PPP1R15A: variants seen among roughly 807,000 people sequenced by gnomAD.
PPP1R15A encodes the protein growth arrest and DNA damage-inducible protein GADD34.
PPP1R15A carries 43 observed loss-of-function variants against 48.5 expected under a neutral mutation model. That is an observed-to-expected ratio of 0.89 (90% CI 0.69 to 1.14). The LOEUF is 1.14. Among genes scored for constraint, PPP1R15A ranks in the 50% most tolerant of loss-of-function variants. The probability of loss-of-function intolerance (pLI) is 0.00; values close to 1 mark genes in which losing one functional copy is unlikely to be tolerated. For missense variants in PPP1R15A, 868 were observed against 847.2 expected, an observed-to-expected ratio of 1.02 and a Z score of -0.30; for synonymous variants, 327 against 327.4, an observed-to-expected ratio of 1.00 and a Z score of 0.01.
Position 48,873,851 on chromosome 19 carries a change from C to T in PPP1R15A, c.618C>T (p.Thr206=). 6.2e-7 allele frequency: 1 copy of T among 1,614,096 alleles called. No individual in the cohort carries two copies. Among genetic ancestry groups the T allele is most frequent in the Non-Finnish European group, 8.5e-7 (1 of 1,179,998 alleles). ...CTGTAAAGAAAGAAGCTCACAGAAC[C>T]TCTACTTCTGCCTTGTCTCCAGGAT... ...EEAVKKEAHR[T]STSALSPGSK... The change falls in exon 2 of 3, where the codon ACC becomes ACT. Residue 206 remains threonine, a synonymous_variant. Transcript: ENST00000200453.
Position 48,875,529 on chromosome 19 carries a change from T to C in PPP1R15A, c.1666-85T>C, listed in dbSNP as rs1473577336. 10 of 1,455,732 alleles carry C rather than the reference T, an allele frequency of 6.9e-6. No homozygotes were observed. The Admixed American group carries it at 2.1e-4, about 30-fold the overall frequency. The allele number at this position is 1,455,732 out of a possible 1,614,324, so 90.2% of individuals were successfully genotyped here. A position where few individuals can be genotyped will look rare whatever the true frequency, so the allele number is the denominator to read the frequency against. The stretch of plus-strand genomic sequence containing the variant: ...TGTGTAATAACTAATTTTTGTTTGC[T>C]TCTCTCTCTCTCTTCCCCGCCCTCC... On this transcript the variant is annotated intron_variant, in intron 2 of 2. Coordinates refer to ENST00000200453, the MANE Select transcript of PPP1R15A (RefSeq NM_014330.5).
Position 48,873,773 on chromosome 19 carries a change from A to G in PPP1R15A, c.540A>G (p.Pro180=). The change falls in exon 2 of 3, where the codon CCA becomes CCG. Residue 180 remains proline, a synonymous_variant. Coordinates refer to ENST00000200453, the MANE Select transcript of PPP1R15A (RefSeq NM_014330.5). ...AGGGAGTTAACAAGTTCTCTTATCCACCATCACACCGGGAGTGTTGTCCAG... is the reference window on the plus strand; with the variant it reads ...AGGGAGTTAACAAGTTCTCTTATCCGCCATCACACCGGGAGTGTTGTCCAG... ...EEEGVNKFSY[P]PSHRECCPAV... 6.2e-7 allele frequency: 1 copy of G among 1,614,054 alleles called. No individual in the cohort carries two copies. Among genetic ancestry groups the G allele is most frequent in the African/African-American group, 1.3e-5 (1 of 74,992 alleles).
rs758385881 is a variant in PPP1R15A, at chr19:48,873,263, T to C, written c.30T>C (p.Ala10=). The C allele has an allele frequency of 6.0e-5, 93 of 1,553,228 alleles. No homozygotes were observed. The highest frequency in any genetic ancestry group is 7.5e-5 in the Non-Finnish European group (87 of 1,152,774). Residue 10 remains alanine (A), a synonymous_variant, in exon 2 of 3, where the codon GCT becomes GCC. Transcript: ENST00000200453. MAPGQAPHQ[A]TPWRDAHPFF... Reference sequence around the variant, plus strand: ...CCCCAGGCCAAGCACCCCATCAGGCTACCCCGTGGAGGGATGCCCACCCTT... The same window carrying C: ...CCCCAGGCCAAGCACCCCATCAGGCCACCCCGTGGAGGGATGCCCACCCTT...
In PPP1R15A at chr19:48,874,334, T is replaced by G; in HGVS notation, c.1101T>G (p.Asp367Glu). 1 of 1,610,090 alleles carries G rather than the reference T, an allele frequency of 6.2e-7. No homozygotes were observed. Among genetic ancestry groups the G allele is most frequent in the Non-Finnish European group, 8.5e-7 (1 of 1,179,104 alleles). Residue 367 changes from aspartate (D) to glutamate (E), a missense_variant, in exon 2 of 3, where the codon GAT (aspartate) becomes GAG (glutamate). Physicochemically the swap from Asp to Glu is conservative, Grantham distance 45. Coordinates refer to ENST00000200453, the MANE Select transcript of PPP1R15A (RefSeq NM_014330.5). ...ATGAGGACAGTGACTCTGGATCAGA[T>G]GAGGAAGAGGGAGAAGCTGAGGCTT... ...EEDEDSDSGS[D>E]EEEGEAEASS...
intron 1 of PPP1R15A, among the ~76,000 whole-genome samples, 153 bp from the exon 2 acceptor site, chr19:48,873,072 T>C (rs989896071): frequency 6.6e-6 from 1 of 152,158 alleles, no homozygotes; most frequent in Non-Finnish European, 1.5e-5. Context: ...GGGACAGAGA[T>C]GGGCGTGGCC....
chr19:48,874,922 T>TA (rs2037061912), intron 2 of PPP1R15A, 24 bp downstream of exon 2: 1 of 1,476,494 alleles, frequency 6.8e-7, no homozygotes, highest in Non-Finnish European at 8.9e-7. Flanking sequence ...GCCCAGATTC[T>TA]ATTTTTTTTT....
rs2037058047 is a variant in PPP1R15A, at chr19:48,874,683, T to G, written c.1450T>G (p.Tyr484Asp). 1 of 1,613,534 alleles carries G rather than the reference T, an allele frequency of 6.2e-7. No homozygotes were observed. The highest frequency in any genetic ancestry group is 1.1e-5 in the South Asian group (1 of 91,060). The change falls in exon 2 of 3, where the codon TAT becomes GAT. Residue 484 changes from tyrosine (Y) to aspartate (D), a missense_variant. Tyr to Asp is a radical substitution (Grantham distance 160). Transcript: ENST00000200453. ...DQRAHFRGWG[Y>D]RPGKETEEEE... ...GAGGGCCCACTTCAGGGGCTGGGGA[T>G]ATCGACCTGGAAAAGAGACAGAGGA...
Position 48,874,693 on chromosome 19 carries a change from G to C in PPP1R15A, c.1460G>C (p.Gly487Ala). 1 of 1,613,798 alleles carries C rather than the reference G, an allele frequency of 6.2e-7. No individual in the cohort carries two copies. The highest frequency in any genetic ancestry group is 2.2e-5 in the East Asian group (1 of 44,872). The change falls in exon 2 of 3, where the codon GGA becomes GCA. Residue 487 changes from glycine (G) to alanine (A), a missense_variant. Transcript: ENST00000200453. Reference protein sequence around the residue: ...AHFRGWGYRPGKETEEEEAAE... With the variant: ...AHFRGWGYRPAKETEEEEAAE... Reference sequence around the variant, plus strand: ...TTCAGGGGCTGGGGATATCGACCTGGAAAAGAGACAGAGGAAGAGGAAGCT... The same window carrying C: ...TTCAGGGGCTGGGGATATCGACCTGCAAAAGAGACAGAGGAAGAGGAAGCT...
chr19:48,874,626 G>C lies in PPP1R15A; in HGVS notation c.1393G>C (p.Glu465Gln). The change falls in exon 2 of 3, where the codon GAG becomes CAG. Residue 465 changes from glutamate (E) to glutamine (Q), a missense_variant. Coordinates refer to ENST00000200453, the MANE Select transcript of PPP1R15A (RefSeq NM_014330.5). ...DDSEAALGEA[E>Q]SDPHPSHPDQ... The stretch of plus-strand genomic sequence containing the variant: ...TTCAGAAGCAGCCTTGGGAGAAGCT[G>C]AGTCAGACCCACATCCCTCCCACCC... The C allele has an allele frequency of 6.2e-7, 1 of 1,613,870 alleles. No individual in the cohort carries two copies. Among genetic ancestry groups the C allele is most frequent in the East Asian group, 2.2e-5 (1 of 44,900 alleles).
Position 48,873,917 on chromosome 19 carries a change from GAATC to G in PPP1R15A, c.687_690del (p.Asn229LysfsTer110). The G allele has an allele frequency of 6.2e-7, 1 of 1,614,138 alleles. No homozygotes were observed. On this transcript the variant is annotated frameshift_variant, in exon 2 of 3. Transcript: ENST00000200453. LOFTEE classifies it high-confidence loss of function. ...GGGTGTCTTGCCCAGGGGAGGAAGA[GAATC>G]AAGCCACGGAGGATAAAAGAACAGA...
chr19:48,872,702 T>G, intron 1 of PPP1R15A, 51 bp downstream of exon 1: 1 of 325,788 alleles, frequency 3.1e-6, no homozygotes, highest in East Asian at 8.3e-5. Flanking sequence ...GGGGCCCGGA[T>G]TTAGAAAGGA....
chr19:48,875,367 G>A, intron 2 of PPP1R15A: 2 of 581,130 alleles, frequency 3.4e-6, no homozygotes, highest in Admixed American at 3.1e-5. Context: ...CTTGTAAGAG[G>A]CCAGGCCCCT....
chr19:48,874,907 T>C lies in PPP1R15A; in HGVS notation c.1665+9T>C. On this transcript the variant is annotated intron_variant, in intron 2 of 2. Transcript: ENST00000200453. ...CCCTAAAGGCCAGAAAGGTAGGTGC[T>C]GAGAGCCCAGATTCTATTTTTTTTT... 6.6e-7 allele frequency: 1 copy of C among 1,524,386 alleles called. No homozygotes were observed. 94.4% of individuals were successfully genotyped at this position (1,524,386 alleles called of 1,614,324 possible). A position where few individuals can be genotyped will look rare whatever the true frequency, so the allele number is the denominator to read the frequency against.
rs373351648 is a variant in PPP1R15A at position 48,875,867 on chromosome 19, C to T, written c.1919C>T (p.Pro640Leu). The change falls in exon 3 of 3, where the codon CCT (proline) becomes CTT (leucine). Residue 640 changes from proline (P) to leucine (L), a missense_variant. Physicochemically the swap from Pro to Leu is moderately conservative, Grantham distance 98. Transcript: ENST00000200453. The stretch of plus-strand genomic sequence containing the variant: ...CAGACCTTGCCTTCCTCCTCTGTCC[C>T]TTCGTCCCCAGTCCAGACCACGCCC... Reference protein sequence around the residue: ...LTQTLPSSSVPSSPVQTTPLS... With the variant: ...LTQTLPSSSVLSSPVQTTPLS... 9.3e-6 allele frequency: 15 copies of T among 1,614,076 alleles called. No homozygotes were observed. Among genetic ancestry groups the T allele is most frequent in the Non-Finnish European group, 1.2e-5 (14 of 1,180,020 alleles).
At position 48,875,719 on chromosome 19, in the gene PPP1R15A, C is replaced by T. The variant is rs374535887; in HGVS notation, c.1771C>T (p.Arg591Cys). Residue 591 changes from arginine (R) to cysteine (C), a missense_variant, in exon 3 of 3, where the codon CGC becomes TGC. By Grantham distance (180) the Arg-to-Cys change is radical. Transcript: ENST00000200453. ...GGAGCAGCTTGCTCGGGATCGCAGC[C>T]GCTTCGCACGCCGCATCACCCAGGC... ...PWEQLARDRS[R>C]FARRITQAQE... is the part of the protein sequence containing the mutation. 2.4e-5 allele frequency: 39 copies of T among 1,612,848 alleles called. No individual in the cohort carries two copies. The highest frequency in any genetic ancestry group is 3.2e-5 in the Non-Finnish European group (38 of 1,179,494).
At position 48,873,728 on chromosome 19, in the gene PPP1R15A, A is replaced by G; in HGVS notation, c.495A>G (p.Glu165=). The G allele has an allele frequency of 6.2e-7, 1 of 1,613,994 alleles. No homozygotes were observed. Among genetic ancestry groups the G allele is most frequent in the Non-Finnish European group, 8.5e-7 (1 of 1,179,978 alleles). Residue 165 remains glutamate (E), a synonymous_variant, in exon 2 of 3, where the codon GAA becomes GAG. Transcript: ENST00000200453. ...DKNPGEEKAE[E]EGVAEEEGVN... ...ACCCAGGGGAGGAGAAAGCCGAGGA[A>G]GAGGGAGTTGCTGAAGAGGAGGGAG...
Position 48,875,692 on chromosome 19 carries a change from T to C in PPP1R15A, c.1744T>C (p.Trp582Arg). 1.9e-6 allele frequency: 3 copies of C among 1,612,232 alleles called. No homozygotes were observed. Among genetic ancestry groups the C allele is most frequent in the Admixed American group, 1.7e-5 (1 of 59,952 alleles). The change falls in exon 3 of 3, where the codon TGG (tryptophan) becomes CGG (arginine). Residue 582 changes from tryptophan (W) to arginine (R), a missense_variant. Trp to Arg is a moderately radical substitution (Grantham distance 101). Coordinates refer to ENST00000200453, the MANE Select transcript of PPP1R15A (RefSeq NM_014330.5). ...GPAQAARQGP[W>R]EQLARDRSRF... ...GGCCCAGGCCGCCCGCCAGGGCCCC[T>C]GGGAGCAGCTTGCTCGGGATCGCAG... is the stretch of plus-strand genomic sequence containing the variant.
Position 48,873,245 on chromosome 19 carries a change from C to G in PPP1R15A, c.12C>G (p.Gly4=). The change falls in exon 2 of 3, where the codon GGC becomes GGG. Residue 4 remains glycine (G), a synonymous_variant. Coordinates refer to ENST00000200453, the MANE Select transcript of PPP1R15A (RefSeq NM_014330.5). ...TCCAGCCCAGACACATGGCCCCAGG[C>G]CAAGCACCCCATCAGGCTACCCCGT... MAP[G]QAPHQATPWR... is the part of the protein sequence containing the mutation. 2.0e-6 allele frequency: 3 copies of G among 1,526,714 alleles called. No homozygotes were observed. The highest frequency in any genetic ancestry group is 1.8e-6 in the Non-Finnish European group (2 of 1,138,292). The allele number at this position is 1,526,714 out of a possible 1,614,324, so 94.6% of individuals were successfully genotyped here.
chr19:48,874,618 G>A lies in PPP1R15A; in HGVS notation c.1385G>A (p.Gly462Glu), dbSNP rs775373103. Residue 462 changes from glycine (G) to glutamate (E), a missense_variant, in exon 2 of 3, where the codon GGA becomes GAA. Transcript: ENST00000200453. ...DKEDDSEAAL[G>E]EAESDPHPSH... is the part of the protein sequence containing the mutation. ...GAAGATGATTCAGAAGCAGCCTTGGGAGAAGCTGAGTCAGACCCACATCCC... is the reference window on the plus strand; with the variant it reads ...GAAGATGATTCAGAAGCAGCCTTGGAAGAAGCTGAGTCAGACCCACATCCC... 6.2e-7 allele frequency: 1 copy of A among 1,613,944 alleles called. No individual in the cohort carries two copies. Among genetic ancestry groups the A allele is most frequent in the Admixed American group, 1.7e-5 (1 of 60,016 alleles).
Sources: allele counts gnomAD v4.1 joint callset (sites outside exome capture counted in the v4.1 genomes callset), GRCh38; gene constraint gnomAD v4.1.1; transcripts MANE v1.5; gene names NCBI Gene and HGNC (gene_info 2026-07-23, HGNC 2026-07-21).